The following PLXNC1 variants were observed in gnomAD, a reference collection of about 807,000 sequenced individuals.
PLXNC1 encodes plexin-C1.
In PLXNC1, 75 loss-of-function variants were observed where a neutral mutation model predicts 178.2. The observed-to-expected ratio is 0.42, with a 90% CI of 0.35 to 0.51. The LOEUF (loss-of-function observed/expected upper bound fraction) is 0.51, where lower values mean the gene tolerates loss of function less well. PLXNC1 is among the 20% of genes least tolerant of loss of function. The pLI is 0.02. For missense variants in PLXNC1, 1,503 were observed against 1,984.4 expected (o/e 0.76, Z 4.61); for synonymous variants, 790 against 779.9 (o/e 1.01, Z -0.22).
chr12:94,248,030 A>G lies in PLXNC1; in HGVS notation c.2516A>G (p.Gln839Arg). ...QDTYLDCGTLQYREDPRFTGY... is the reference protein window; with the variant it reads ...QDTYLDCGTLRYREDPRFTGY... ...ACCTACTTGGATTGTGGAACCCTGC[A>G]GTATCGGGAGGACCCCAGATTCACG... The change falls in exon 13 of 31, where the codon CAG (glutamine) becomes CGG (arginine). Residue 839 changes from glutamine (Q) to arginine (R), a missense_variant. Gln to Arg is a conservative substitution (Grantham distance 43). Around this residue, in one of 4 missense-constraint regions of PLXNC1, gnomAD observed 639 missense variants for 979.7 expected, o/e 0.65. Coordinates refer to ENST00000258526, the MANE Select transcript of PLXNC1 (RefSeq NM_005761.3). 1.2e-6 allele frequency: 2 copies of G among 1,614,192 alleles called. No homozygotes were observed. Among genetic ancestry groups the G allele is most frequent in the South Asian group, 1.1e-5 (1 of 91,088 alleles).
Position 94,265,311 on chromosome 12 carries a change from C to A in PLXNC1, c.3597+86C>A, listed in dbSNP as rs866498376. On this transcript the variant is annotated intron_variant, in intron 21 of 30. Transcript: ENST00000258526. ...GTGAGGTGGGTCATTTACAATGAAA[C>A]GGTATCATCTCTACTGCGGGAGGCC... 8.3e-5 allele frequency: 104 copies of A among 1,246,100 alleles called. No individual in the cohort carries two copies. The Middle Eastern group carries it at 1.2e-3, about 14-fold the overall frequency. 77.2% of individuals were successfully genotyped at this position (1,246,100 alleles called of 1,614,324 possible). A position where few individuals can be genotyped will look rare whatever the true frequency, so the allele number is the denominator to read the frequency against.
Position 94,156,484 on chromosome 12 carries a change from T to TC in PLXNC1, c.1062+6451_1062+6452insC, listed in dbSNP as rs1961171100. Among the ~76,000 whole-genome samples the TC allele has an allele frequency of 2.0e-5, 3 of 150,942 alleles. No homozygotes were observed. In the South Asian group the frequency reaches 6.3e-4, roughly 32 times the overall value. On this transcript the variant is annotated intron_variant, in intron 1 of 30. Transcript: ENST00000258526. The stretch of plus-strand genomic sequence containing the variant: ...TTGATCCCCACTGTCTATCTTTTTT[T>TC]TTTTTTTTCTTGAAACAGGGTCTCA...
At position 94,300,982 on chromosome 12, in the gene PLXNC1, T is replaced by C; in HGVS notation, c.4311T>C (p.His1437=). 1.2e-6 allele frequency: 2 copies of C among 1,613,848 alleles called. No homozygotes were observed. Among genetic ancestry groups the C allele is most frequent in the Admixed American group, 1.7e-5 (1 of 59,988 alleles). The change falls in exon 28 of 31, where the codon CAT becomes CAC. Residue 1437 remains histidine, a synonymous_variant. Transcript: ENST00000258526. ...QFVFDIKKTP[H]IDGCLSVIAQ... ...TCTTTGACATTAAGAAGACACCACA[T>C]ATAGACGGCTGTTTGTCAGTGATTG...
At chr12:94,274,777 C>T (rs754972000) in intron 21 of PLXNC1, among the ~76,000 whole-genome samples, 2 of 152,146 alleles carry the variant, frequency 1.3e-5, no homozygotes, top group African/African-American at 4.8e-5. Context: ...CCGGTTCTAC[C>T]ATCTTCTTGC....
chr12:94,178,216 T>G (rs1962173808), intron 2 of PLXNC1, among the ~76,000 whole-genome samples: 1 of 152,202 alleles, frequency 6.6e-6, no homozygotes, highest in South Asian at 2.1e-4. Context: ...TTATCATGTG[T>G]TTGGCTTTTT....
intron 23 of PLXNC1, among the ~76,000 whole-genome samples, chr12:94,290,171 C>T (rs767498184): frequency 6.6e-6 from 1 of 152,220 alleles, no homozygotes; most frequent in Non-Finnish European, 1.5e-5. Flanking sequence ...GACAATTACC[C>T]AGAATGAATC....
rs1268794140 is a variant in PLXNC1 at position 94,257,598 on chromosome 12, AC to A, written c.3088-1735del. ...GGACCAGCCTGGCCAACATGGTGAA[AC>A]CCCGTCTGTACTAAAAATACACAAT... On this transcript the variant is annotated intron_variant, in intron 17 of 30. Transcript: ENST00000258526. Among the ~76,000 whole-genome samples the A allele has an allele frequency of 2.0e-5, 3 of 152,192 alleles. No individual in the cohort carries two copies. In the East Asian group the frequency reaches 5.8e-4, roughly 29 times the overall value.
chr12:94,176,255 C>T (rs1357442193), intron 2 of PLXNC1: 1 of 152,194 alleles, frequency 6.6e-6, no homozygotes, highest in Admixed American at 6.5e-5. Flanking sequence ...TTCCCTTGCT[C>T]CAGTCTTGCT....
At chr12:94,254,674 CCTAT>C (rs779170661) in intron 15 of PLXNC1, 109 bp from the exon 16 acceptor site, 36 of 723,212 alleles carry the variant, frequency 5.0e-5, no homozygotes, top group Middle Eastern at 2.4e-4. Flanking sequence ...GCTCTCTGTC[CCTAT>C]CTGTTTTGTT....
chr12:94,186,784 G>A (rs929064556), intron 4 of PLXNC1: 1 of 270,724 alleles, frequency 3.7e-6, no homozygotes, highest in Non-Finnish European at 7.3e-6. Flanking sequence ...AGACTCAAGA[G>A]AGAGGCAAAA....
At chr12:94,237,254 T>C (rs1964267145) in intron 9 of PLXNC1, among the ~76,000 whole-genome samples, 1 of 152,256 alleles carries the variant, frequency 6.6e-6, no homozygotes, top group Non-Finnish European at 1.5e-5. Flanking sequence ...ATGACATTTA[T>C]TTCAACTTAA....
intron 1 of PLXNC1, among the ~76,000 whole-genome samples, chr12:94,153,536 G>A (rs1204725555): frequency 6.6e-6 from 1 of 152,170 alleles, no homozygotes; most frequent in African/African-American, 2.4e-5. Flanking sequence ...GCACACCAAC[G>A]TGATACACAG....
In PLXNC1 at chr12:94,203,182, C is replaced by T. The variant is rs80015367; in HGVS notation, c.1440-6408C>T. Among the ~76,000 whole-genome samples the T allele has an allele frequency of 6.6e-3, 1,011 of 152,192 alleles. 11 individuals carry two copies. The highest frequency in any genetic ancestry group is 0.022 in the African/African-American group (930 of 41,508). ...AGGCACAAAGTTTTGTAATTTGATC[C>T]GCCGTGAGGATTATTGCTCATTAAA... is the stretch of plus-strand genomic sequence containing the variant. On this transcript the variant is annotated intron_variant, in intron 4 of 30. Coordinates refer to ENST00000258526, the MANE Select transcript of PLXNC1 (RefSeq NM_005761.3).
At chr12:94,229,878 A>G (rs1347711671) in intron 9 of PLXNC1, among the ~76,000 whole-genome samples, 1 of 152,222 alleles carries the variant, frequency 6.6e-6, no homozygotes, top group Non-Finnish European at 1.5e-5. Context: ...TTAGAAAATA[A>G]TAAACTTTTA....
chr12:94,256,212 A>G (rs1423428758), intron 17 of PLXNC1: 2 of 152,224 alleles, frequency 1.3e-5, no homozygotes, highest in East Asian at 3.8e-4. Context: ...GAGAGTTTGT[A>G]TCACCTTACC....
chr12:94,273,420 T>C (rs1449756233), intron 21 of PLXNC1, among the ~76,000 whole-genome samples: 2 of 152,036 alleles, frequency 1.3e-5, no homozygotes, highest in Non-Finnish European at 2.9e-5. Flanking sequence ...CCAGTCTAAT[T>C]AGAGACTGGA....
At chr12:94,215,499 G>GA (rs536763128) in intron 5 of PLXNC1, among the ~76,000 whole-genome samples, 25 of 143,190 alleles carry the variant, frequency 1.7e-4, no homozygotes, top group East Asian at 6.0e-4. Flanking sequence ...ACATATTTTG[G>GA]AAAAAAAAAA....
chr12:94,279,359 C>A, intron 21 of PLXNC1, 113 bp from the exon 22 acceptor site: 1 of 767,430 alleles, frequency 1.3e-6, no homozygotes, highest in African/African-American at 1.8e-5. Flanking sequence ...ACAGTGTTTG[C>A]TAATGTGCTG....
chr12:94,169,970 CTG>C (rs1961778834), intron 2 of PLXNC1, among the ~76,000 whole-genome samples: 1 of 152,172 alleles, frequency 6.6e-6, no homozygotes, highest in African/African-American at 2.4e-5. Flanking sequence ...AATGACTTGT[CTG>C]AAGTTATCTA....
Sources: allele counts gnomAD v4.1 joint callset (sites outside exome capture counted in the v4.1 genomes callset), GRCh38; gene constraint gnomAD v4.1.1; regional missense constraint gnomAD v4.1.1; transcripts MANE v1.5; gene names NCBI Gene and HGNC (gene_info 2026-07-23, HGNC 2026-07-21).